The following PHLDB2 variants were observed in gnomAD, a reference collection of about 807,000 sequenced individuals.
The protein encoded by PHLDB2 is pleckstrin homology-like domain family B member 2.
In PHLDB2, 71 loss-of-function variants were observed where a neutral mutation model predicts 123.6. The ratio of observed to expected loss-of-function variants is 0.57; its 90% CI spans 0.47 to 0.70. The LOEUF is 0.70. PHLDB2 is among the 30% of genes least tolerant of loss of function. The probability of loss-of-function intolerance (pLI) is 0.00; values close to 1 mark genes in which losing one functional copy is unlikely to be tolerated. For missense variants in PHLDB2, 1,446 were observed against 1,519.5 expected, an observed-to-expected ratio of 0.95 and a Z score of 0.80; for synonymous variants, 547 against 541.6, an observed-to-expected ratio of 1.01 and a Z score of -0.14.
chr3:111,967,927 A>G, intron 15 of PHLDB2, 103 bp downstream of exon 15: 1 of 830,954 alleles, frequency 1.2e-6, no homozygotes, highest in Non-Finnish European at 1.7e-6. Flanking sequence ...GGCACTGAGC[A>G]TTAGCACTTG....
At chr3:111,763,928 T>A (rs1264705245) in intron 1 of PHLDB2, among the ~76,000 whole-genome samples, 2 of 152,186 alleles carry the variant, frequency 1.3e-5, no homozygotes, top group Admixed American at 6.5e-5. Flanking sequence ...CAGTCTATGA[T>A]AAATTGTTAA....
intron 3 of PHLDB2, among the ~76,000 whole-genome samples, chr3:111,917,938 C>G (rs1577079741): frequency 6.6e-6 from 1 of 152,082 alleles, no homozygotes; most frequent in Admixed American, 6.5e-5. Context: ...CAATAATTTA[C>G]TCAACTGGGC....
chr3:111,794,755 G>A (rs180860448), intron 1 of PHLDB2, among the ~76,000 whole-genome samples: 3 of 152,334 alleles, frequency 2.0e-5, no homozygotes, highest in Admixed American at 1.3e-4. Flanking sequence ...TGGAACTTCA[G>A]TCCCTGATAC....
chr3:111,744,851 T>G lies in PHLDB2; in HGVS notation c.-49+12148T>G, dbSNP rs372590630. ...AATGAAAAGCTCTTAGTATACCACC[T>G]GACACACAGTAAGGGCAGAATAACT... On this transcript the variant is annotated intron_variant, in intron 1 of 17. Coordinates refer to the PHLDB2 transcript ENST00000393923. Among the ~76,000 whole-genome samples, 26 of 152,306 alleles carry G rather than the reference T, an allele frequency of 1.7e-4. No individual in the cohort carries two copies. The East Asian group carries it at 2.7e-3, about 16-fold the overall frequency.
chr3:111,788,174 C>T (rs1031872277), intron 1 of PHLDB2, among the ~76,000 whole-genome samples: 3 of 152,190 alleles, frequency 2.0e-5, no homozygotes, highest in African/African-American at 4.8e-5. Flanking sequence ...GAAGGAAACT[C>T]AGTCACAGAA....
intron 12 of PHLDB2, among the ~76,000 whole-genome samples, chr3:111,954,258 T>C (rs1196222121): frequency 1.3e-5 from 2 of 152,304 alleles, no homozygotes; most frequent in South Asian, 4.1e-4. Context: ...GATAGAACTC[T>C]GAAACCAGAA....
At chr3:111,793,030 A>G (rs1267299280) in intron 1 of PHLDB2, among the ~76,000 whole-genome samples, 1 of 152,182 alleles carries the variant, frequency 6.6e-6, no homozygotes. Flanking sequence ...GCCCATGGCG[A>G]CCACTGCCTA....
intron 1 of PHLDB2, among the ~76,000 whole-genome samples, chr3:111,807,618 A>G (rs971467438): frequency 1.3e-5 from 2 of 152,156 alleles, no homozygotes; most frequent in African/African-American, 2.4e-5. Context: ...ACACGCCTGT[A>G]GTCCTGTAGT....
chr3:111,912,520 A>G (rs888707231), intron 2 of PHLDB2, among the ~76,000 whole-genome samples: 7 of 152,138 alleles, frequency 4.6e-5, no homozygotes, highest in Admixed American at 3.9e-4. Context: ...TTTTAATTAT[A>G]TAAGAAATTA....
intron 1 of PHLDB2, among the ~76,000 whole-genome samples, chr3:111,881,754 C>T (rs904313998): frequency 6.1e-5 from 9 of 147,748 alleles, no homozygotes; most frequent in Admixed American, 4.1e-4. Context: ...ATTTTATGCT[C>T]ATCACATACC....
intron 5 of PHLDB2, among the ~76,000 whole-genome samples, chr3:111,921,667 A>T (rs559725925): frequency 6.9e-5 from 10 of 144,882 alleles, no homozygotes; most frequent in Admixed American, 2.1e-4. Flanking sequence ...GCAGTGGCGC[A>T]ATCTCAGCTC....
rs1262949904 is a variant in PHLDB2, at chr3:111,884,087, C to T, written c.10C>T (p.His4Tyr). Residue 4 changes from histidine (H) to tyrosine (Y), a missense_variant, in exon 2 of 18, where the codon CAT becomes TAT. Physicochemically the swap from His to Tyr is moderately conservative, Grantham distance 83. This residue lies in a region of PHLDB2 where 832 missense variants were observed against 831.9 expected (regional missense o/e 1.00). Transcript: ENST00000431670. MEEHSYIQKELDLQ... is the reference protein window; with the variant it reads MEEYSYIQKELDLQ... ...AGATTCCAGCAAGATTATGGAAGAG[C>T]ATAGCTACATACAAAAGGAGCTAGA... The T allele has an allele frequency of 6.2e-7, 1 of 1,612,628 alleles. No individual in the cohort carries two copies. The highest frequency in any genetic ancestry group is 1.1e-5 in the South Asian group (1 of 90,596).
At chr3:111,771,674 T>C (rs906347905) in intron 1 of PHLDB2, among the ~76,000 whole-genome samples, 1 of 152,208 alleles carries the variant, frequency 6.6e-6, no homozygotes, top group Non-Finnish European at 1.5e-5. Context: ...TCTTCTGACA[T>C]ACACATATGT....
intron 2 of PHLDB2, among the ~76,000 whole-genome samples, chr3:111,901,910 C>G (rs1308270106): frequency 6.6e-6 from 1 of 151,880 alleles, no homozygotes; most frequent in African/African-American, 2.4e-5. Flanking sequence ...GACTTATGGC[C>G]GGTTTTTTTC....
At chr3:111,970,910 G>C (rs1365537409) in intron 16 of PHLDB2, among the ~76,000 whole-genome samples, 1 of 152,176 alleles carries the variant, frequency 6.6e-6, no homozygotes, top group Non-Finnish European at 1.5e-5. Context: ...ATAAGGAGAA[G>C]TGTGAGAAAC....
chr3:111,920,112 A>G (rs1399317097), intron 4 of PHLDB2, among the ~76,000 whole-genome samples, 170 bp from the exon 5 acceptor site: 2 of 152,206 alleles, frequency 1.3e-5, no homozygotes, highest in African/African-American at 2.4e-5. Context: ...GCTCGCTTAT[A>G]TGGGAATCTT....
intron 2 of PHLDB2, among the ~76,000 whole-genome samples, chr3:111,906,756 A>G (rs2067564007): frequency 6.6e-6 from 1 of 152,252 alleles, no homozygotes; most frequent in Non-Finnish European, 1.5e-5. Context: ...AATGTTGGTC[A>G]GTTAGTGGCT....
intron 16 of PHLDB2, among the ~76,000 whole-genome samples, chr3:111,972,660 T>C (rs2072284167): frequency 6.6e-6 from 1 of 152,164 alleles, no homozygotes; most frequent in Admixed American, 6.6e-5. Context: ...CCCTATTTCA[T>C]ATAATAGTAT....
chr3:111,748,937 TGA>T (rs750164285), intron 1 of PHLDB2, among the ~76,000 whole-genome samples: 17 of 152,070 alleles, frequency 1.1e-4, no homozygotes, highest in Non-Finnish European at 2.4e-4. Context: ...ACTCTAAACA[TGA>T]GTTTCTCATT....
Sources: gnomAD v4.1 joint callset for allele counts (sites outside exome capture counted in the v4.1 genomes callset) on GRCh38, gnomAD v4.1.1 for gene constraint, gnomAD v4.1.1 regional missense constraint, MANE v1.5 for transcripts, NCBI Gene and HGNC (gene_info 2026-07-23, HGNC 2026-07-21) for gene names.